TEAD1: variants seen among roughly 807,000 people sequenced by gnomAD.
The protein encoded by TEAD1 is TEA domain transcription factor 1.
In TEAD1, 9 loss-of-function variants were observed where a neutral mutation model predicts 54.9. The ratio of observed to expected loss-of-function variants is 0.16; its 90% CI spans 0.10 to 0.29. The LOEUF (loss-of-function observed/expected upper bound fraction) is 0.29. Among genes scored for constraint, TEAD1 ranks in the 10% least tolerant of loss-of-function variants. The probability of loss-of-function intolerance (pLI) is 1.00; values close to 1 mark genes in which losing one functional copy is unlikely to be tolerated. For missense variants in TEAD1, 387 were observed against 535.9 expected (o/e 0.72, Z 2.74); for synonymous variants, 200 against 187.8 (o/e 1.07, Z -0.53).
intron 2 of TEAD1, among the ~76,000 whole-genome samples, chr11:12,677,529 GT>G (rs1302589293): frequency 2.0e-5 from 3 of 152,068 alleles, no homozygotes; most frequent in Non-Finnish European, 2.9e-5. Flanking sequence ...AAATGTTCGA[GT>G]TTTTTTCCCT....
At chr11:12,849,154 T>C (rs55683728) in intron 3 of TEAD1, 4 of 152,246 alleles carry the variant, frequency 2.6e-5, no homozygotes, top group Non-Finnish European at 5.9e-5. Context: ...TTCAAGCGAT[T>C]CTCCTGCCTC....
chr11:12,899,069 G>A (rs1948372990), intron 9 of TEAD1, among the ~76,000 whole-genome samples: 1 of 152,186 alleles, frequency 6.6e-6, no homozygotes, highest in Non-Finnish European at 1.5e-5. Flanking sequence ...CTGGCCCAGG[G>A]GCAGCTAGCG....
rs900126299 is a variant in TEAD1 at position 12,938,841 on chromosome 11, G to A, written c.*1619G>A. 2 of 152,196 alleles carry A rather than the reference G, an allele frequency of 1.3e-5. No homozygotes were observed. The highest frequency in any genetic ancestry group is 6.5e-5 in the Admixed American group (1 of 15,274). The allele number at this position is 152,196 out of a possible 1,614,324, so 9.4% of individuals were successfully genotyped here. Reference sequence around the variant, plus strand: ...CCCAAAGAAATATGTTTTTGTAAGTGGTAGGAACATGTGCACACAATAGAA... The same window carrying A: ...CCCAAAGAAATATGTTTTTGTAAGTAGTAGGAACATGTGCACACAATAGAA... On this transcript the variant is annotated 3_prime_UTR_variant, in exon 13 of 13. Transcript: ENST00000527636.
chr11:12,839,710 A>G (rs1946983695), intron 3 of TEAD1, among the ~76,000 whole-genome samples: 1 of 152,196 alleles, frequency 6.6e-6, no homozygotes, highest in Non-Finnish European at 1.5e-5. Flanking sequence ...CCAGGGAATC[A>G]CTAACTTCGC....
At chr11:12,719,950 T>C (rs535757339) in intron 2 of TEAD1, among the ~76,000 whole-genome samples, 1 of 15,788 alleles carries the variant, frequency 6.3e-5, no homozygotes, top group African/African-American at 3.7e-4. Flanking sequence ...AAATCTAATG[T>C]TTTTTTTTTT....
chr11:12,914,559 G>A (rs2134147272), intron 10 of TEAD1, among the ~76,000 whole-genome samples: 1 of 152,342 alleles, frequency 6.6e-6, no homozygotes, highest in African/African-American at 2.4e-5. Flanking sequence ...TCTCACGGTT[G>A]GCCCAGCTTC....
At chr11:12,687,021 G>A (rs1943348434) in intron 2 of TEAD1, among the ~76,000 whole-genome samples, 1 of 152,176 alleles carries the variant, frequency 6.6e-6, no homozygotes. Flanking sequence ...GCATTTGAGG[G>A]TCCTCCAAGT....
At chr11:12,758,075 C>G (rs557971408) in intron 2 of TEAD1, among the ~76,000 whole-genome samples, 2 of 152,050 alleles carry the variant, frequency 1.3e-5, no homozygotes, top group East Asian at 3.9e-4. Context: ...ACTGCCATGC[C>G]TGGAGGTTCA....
chr11:12,861,058 C>T (rs1171786073), intron 3 of TEAD1, among the ~76,000 whole-genome samples: 2 of 152,124 alleles, frequency 1.3e-5, no homozygotes, highest in Non-Finnish European at 2.9e-5. Context: ...CAAAGCCAGC[C>T]AACAGTAGTG....
intron 2 of TEAD1, among the ~76,000 whole-genome samples, chr11:12,738,730 C>T (rs1944586749): frequency 6.6e-6 from 1 of 152,314 alleles, no homozygotes; most frequent in South Asian, 2.1e-4. Context: ...TTGCTAATCA[C>T]TCCTTAAGAC....
chr11:12,755,126 C>A (rs1033293018), intron 2 of TEAD1, among the ~76,000 whole-genome samples: 12 of 152,106 alleles, frequency 7.9e-5, no homozygotes, highest in Non-Finnish European at 1.6e-4. Context: ...TCTCACCTGG[C>A]CTTTAGTAAG....
rs1329956446 is a variant in TEAD1, at chr11:12,762,180, G to C, written c.-54-1999G>C. 2.6e-5 allele frequency among the ~76,000 whole-genome samples: 4 copies of C among 152,192 alleles called. No individual in the cohort carries two copies. In the East Asian group the frequency reaches 7.7e-4, roughly 29 times the overall value. ...GCCCAGAGCTCAAGGACTGGCCTGT[G>C]GTTTTGTGCATGTGTGTTGTTTTGG... On this transcript the variant is annotated intron_variant, in intron 2 of 12. Transcript: ENST00000527636.
intron 12 of TEAD1, among the ~76,000 whole-genome samples, chr11:12,934,399 T>G: frequency 1.3e-5 from 2 of 149,444 alleles, no homozygotes; most frequent in African/African-American, 5.0e-5. Context: ...GGGGTGGGAG[T>G]AGAGGGGGAA....
At chr11:12,788,049 G>T (rs1038651603) in intron 3 of TEAD1, among the ~76,000 whole-genome samples, 4 of 149,492 alleles carry the variant, frequency 2.7e-5, no homozygotes, top group Admixed American at 6.7e-5. Context: ...TGCAACCTCC[G>T]CCTCCAGAGT....
intron 5 of TEAD1, among the ~76,000 whole-genome samples, chr11:12,871,435 A>G (rs535313286): frequency 6.6e-6 from 1 of 152,188 alleles, no homozygotes; most frequent in Non-Finnish European, 1.5e-5. Context: ...TTTAAGCTCC[A>G]GGGATTTATT....
intron 3 of TEAD1, chr11:12,849,290 T>C (rs1947219936): frequency 6.6e-6 from 1 of 152,132 alleles, no homozygotes; most frequent in South Asian, 2.1e-4. Flanking sequence ...CCTCAAGTGA[T>C]CCACCTGGAC....
intron 2 of TEAD1, among the ~76,000 whole-genome samples, chr11:12,707,104 A>G (rs7935997): frequency 0.4 from 56,253 of 139,198 alleles, 11,322 homozygotes; most frequent in South Asian, 0.61. Flanking sequence ...AAGAAATAGC[A>G]CTTGTGGGAC....
intron 5 of TEAD1, chr11:12,865,263 G>A (rs1368543972): frequency 4.5e-6 from 1 of 221,542 alleles, no homozygotes; most frequent in Admixed American, 5.2e-5. Flanking sequence ...CTTAAAAAAA[G>A]AAAAGTCCAG....
intron 2 of TEAD1, among the ~76,000 whole-genome samples, chr11:12,740,366 T>C (rs1460865359): frequency 6.6e-6 from 1 of 152,242 alleles, no homozygotes; most frequent in Non-Finnish European, 1.5e-5. Context: ...GTAATGTTAT[T>C]GCTAGTGTAA....
Sources: gnomAD v4.1 joint callset for allele counts (sites outside exome capture counted in the v4.1 genomes callset) on GRCh38, gnomAD v4.1.1 for gene constraint, MANE v1.5 for transcripts, NCBI Gene and HGNC (gene_info 2026-07-23, HGNC 2026-07-21) for gene names.